NTMT1: variants seen among roughly 807,000 people sequenced by gnomAD.
NTMT1 encodes N-terminal RCC1 methyltransferase.
A neutral mutation model predicts 17.5 loss-of-function variants in NTMT1; 8 were observed. That is an observed-to-expected ratio of 0.46 (90% CI 0.27 to 0.82). The LOEUF (loss-of-function observed/expected upper bound fraction) is 0.82, where lower values mean the gene tolerates loss of function less well. Ranked by LOEUF, NTMT1 falls within the 40% of genes least tolerant of loss-of-function variation. The pLI is 0.15. For missense variants in NTMT1, 221 were observed against 303.5 expected (o/e 0.73, Z 2.02); for synonymous variants, 128 against 126.8 (o/e 1.01, Z -0.06).
chr9:129,610,142 G>A (rs1180366106), intron 1 of NTMT1, among the ~76,000 whole-genome samples: 2 of 147,474 alleles, frequency 1.4e-5, no homozygotes, highest in Admixed American at 6.7e-5. Flanking sequence ...GGAGCGGACA[G>A]GAGCGCTGCG....
chr9:129,615,725 G>T, intron 1 of NTMT1: 1 of 1,424,442 alleles, frequency 7.0e-7, no homozygotes, highest in East Asian at 2.5e-5. Flanking sequence ...CAGACTCGCT[G>T]TGAGATCCTG....
rs112204373 is a variant in NTMT1, at chr9:129,613,824, A to C, written c.-55+4646A>C. On this transcript the variant is annotated intron_variant, in intron 1 of 3. Coordinates refer to the NTMT1 transcript ENST00000372486. This position sits in a 1 kb window ranked among gnomAD's most constrained non-coding sequence, Gnocchi z 6.2. ...GCTGTGCCCCTGCGCACCCCCACTC[A>C]CGCTGCAGCCGGAAGCGTGCCCCCT... Among the ~76,000 whole-genome samples, 3,286 of 152,244 alleles carry C rather than the reference A, an allele frequency of 0.022. 62 individuals carry two copies. Among genetic ancestry groups the C allele is most frequent in the Middle Eastern group, 0.037 (11 of 294 alleles).
chr9:129,612,438 T>C, intron 1 of NTMT1: 1 of 1,612,400 alleles, frequency 6.2e-7, no homozygotes, highest in Non-Finnish European at 8.5e-7. Flanking sequence ...CAGCACCCGG[T>C]TGGGCAGGAG....
intron 1 of NTMT1, among the ~76,000 whole-genome samples, chr9:129,627,326 C>T (rs945778226): frequency 1.3e-5 from 2 of 152,116 alleles, no homozygotes; most frequent in Non-Finnish European, 2.9e-5. Flanking sequence ...GGCTTGGCCG[C>T]CCAGCATACC....
chr9:129,622,837 G>A (rs369462263), upstream of NTMT1, among the ~76,000 whole-genome samples: 643 of 152,176 alleles, frequency 4.2e-3, 7 homozygotes, highest in African/African-American at 0.014. Flanking sequence ...CAATCAGCCT[G>A]GGCCACATGG....
chr9:129,620,600 C>G lies in NTMT1; in HGVS notation c.-55+11422C>G. 7.6e-7 allele frequency: 1 copy of G among 1,315,306 alleles called. No homozygotes were observed. Among genetic ancestry groups the G allele is most frequent in the Non-Finnish European group, 9.7e-7 (1 of 1,031,344 alleles). 81.5% of individuals were successfully genotyped at this position (1,315,306 alleles called of 1,614,324 possible). On this transcript the variant is annotated intron_variant, in intron 1 of 3. Transcript: ENST00000372486. The surrounding 1 kb of genome is among the most constrained non-coding windows in gnomAD (Gnocchi z 5.8). ...GCTTGGCCCCGCACTCAGCTCACCG[C>G]ACCCTCAGCGCGCGTGGGTGGGGGG... is the stretch of plus-strand genomic sequence containing the variant.
chr9:129,631,894 C>G (rs1389190883), intron 1 of NTMT1, among the ~76,000 whole-genome samples: 1 of 152,186 alleles, frequency 6.6e-6, no homozygotes, highest in Non-Finnish European at 1.5e-5. Flanking sequence ...GTGGTTGTGT[C>G]TGTAGAATTG....
chr9:129,609,851 C>T (rs1366187135), intron 1 of NTMT1, among the ~76,000 whole-genome samples: 1 of 151,964 alleles, frequency 6.6e-6, no homozygotes, highest in Non-Finnish European at 1.5e-5. Context: ...GTGGGGGCTG[C>T]GGCCCTGGGA....
At chr9:129,628,227 T>G (rs1055211472) in intron 1 of NTMT1, among the ~76,000 whole-genome samples, 3 of 152,172 alleles carry the variant, frequency 2.0e-5, no homozygotes, top group Non-Finnish European at 4.4e-5. Context: ...GACCTCCTCC[T>G]GCCCCACTCC....
In NTMT1 at chr9:129,613,376, A is replaced by AG. The variant is rs1316044331; in HGVS notation, c.-55+4204dup. 2.5e-6 allele frequency: 4 copies of AG among 1,595,144 alleles called. No individual in the cohort carries two copies. Among genetic ancestry groups the AG allele is most frequent in the East Asian group, 2.2e-5 (1 of 44,604 alleles). On this transcript the variant is annotated intron_variant, in intron 1 of 3. Transcript: ENST00000372486. This position sits in a 1 kb window ranked among gnomAD's most constrained non-coding sequence, Gnocchi z 6.2. ...TGCTGGGTGGGGAGGTCTGTAGGCA[A>AG]GGGGGGTGGAGGGCCCTGGCAATGT...
At chr9:129,634,907 A>G in intron 3 of NTMT1, 1 of 400,474 alleles carries the variant, frequency 2.5e-6, no homozygotes. Context: ...CACTCCTCCG[A>G]TCCAAGCCTG....
chr9:129,618,865 TG>T (rs1365895082), intron 1 of NTMT1, among the ~76,000 whole-genome samples: 1 of 83,690 alleles, frequency 1.2e-5, no homozygotes, highest in Non-Finnish European at 2.5e-5. Context: ...GCTAATTTTT[TG>T]TGTTTTTTTT....
rs1392919956 is a variant in NTMT1, at chr9:129,634,073, G to A, written c.182G>A (p.Gly61Glu). 2.2e-5 allele frequency: 35 copies of A among 1,614,028 alleles called. No homozygotes were observed. The highest frequency in any genetic ancestry group is 2.9e-5 in the Non-Finnish European group (34 of 1,179,920). ...RFLREGPNKT[G>E]TSCALDCGAG... ...TTTCAGGAAGGCCCGAACAAGACAG[G>A]AACGTCCTGTGCCCTGGACTGTGGA... The change falls in exon 3 of 4, where the codon GGA (glycine) becomes GAA (glutamate). Residue 61 changes from glycine (G) to glutamate (E), a missense_variant. Transcript: ENST00000372483.
intron 1 of NTMT1, chr9:129,619,536 CAGT>C: frequency 6.2e-7 from 1 of 1,613,676 alleles, no homozygotes; most frequent in Non-Finnish European, 8.5e-7. Context: ...GCCTTTCTGA[CAGT>C]GGTGAATTGT....
intron 3 of NTMT1, 29 bp downstream of exon 3, chr9:129,634,335 A>G: frequency 6.4e-7 from 1 of 1,562,124 alleles, no homozygotes; most frequent in South Asian, 1.2e-5. Flanking sequence ...TTCCCTGCTC[A>G]CCTGTATGTC....
In NTMT1 at chr9:129,634,278, C is replaced by G. The variant is rs368737277; in HGVS notation, c.387C>G (p.Tyr129Ter). 6.2e-7 allele frequency: 1 copy of G among 1,610,346 alleles called. No homozygotes were observed. Among genetic ancestry groups the G allele is most frequent in the Non-Finnish European group, 8.5e-7 (1 of 1,177,752 alleles). Reference protein sequence around the residue: ...LQDFTPEPDSYDVIWIQWVIG... With the variant: ...LQDFTPEPDS ...ACTTCACCCCGGAGCCGGACTCTTA[C>G]GACGTGATCTGGATCCAGTGGGTGA... The change falls in exon 3 of 4, where the codon TAC becomes TAG. Residue 129 changes from tyrosine (Y) to a stop codon, truncating the protein, a stop_gained. Coordinates refer to ENST00000372483, the MANE Select transcript of NTMT1 (RefSeq NM_014064.4). LOFTEE classifies it high-confidence loss of function.
chr9:129,624,599 C>T (rs1830837550), upstream of NTMT1, among the ~76,000 whole-genome samples: 1 of 152,170 alleles, frequency 6.6e-6, no homozygotes, highest in African/African-American at 2.4e-5. Context: ...CTGTGTGCGT[C>T]GCCCAGAGGA....
chr9:129,611,591 T>C (rs1025824172), intron 1 of NTMT1, among the ~76,000 whole-genome samples: 1 of 151,980 alleles, frequency 6.6e-6, no homozygotes, highest in Admixed American at 6.6e-5. Flanking sequence ...CCTCACTCCA[T>C]TGTGGATGTC....
Position 129,614,209 on chromosome 9 carries a change from A to G in NTMT1, c.-55+5031A>G, listed in dbSNP as rs1008517357. ...GGATTCCCAAGAGGGGCCCGGGGTC[A>G]CTCTGGCTTCTATATGTGGCTCTGC... is the stretch of plus-strand genomic sequence containing the variant. On this transcript the variant is annotated intron_variant, in intron 1 of 3. Transcript: ENST00000372486. This position sits in a 1 kb window ranked among gnomAD's most constrained non-coding sequence, Gnocchi z 4.4. Among the ~76,000 whole-genome samples the G allele has an allele frequency of 1.3e-5, 2 of 152,064 alleles. No homozygotes were observed. Among genetic ancestry groups the G allele is most frequent in the African/African-American group, 4.8e-5 (2 of 41,380 alleles).
Sources: allele counts gnomAD v4.1 joint callset (sites outside exome capture counted in the v4.1 genomes callset), GRCh38; gene constraint gnomAD v4.1.1; non-coding constraint Gnocchi (gnomAD v3.1); transcripts MANE v1.5; gene names NCBI Gene and HGNC (gene_info 2026-07-23, HGNC 2026-07-21).